DLGAP2: variants seen among roughly 807,000 people sequenced by gnomAD.
DLGAP2 encodes DLG associated protein 2.
A neutral mutation model predicts 100.3 loss-of-function variants in DLGAP2; 26 were observed. The ratio of observed to expected loss-of-function variants is 0.26; its 90% confidence interval spans 0.19 to 0.36. The LOEUF (loss-of-function observed/expected upper bound fraction) is 0.36, where lower values mean the gene tolerates loss of function less well. DLGAP2 is among the 10% of genes least tolerant of loss of function. The pLI, the probability that DLGAP2 is intolerant of heterozygous loss-of-function variation, is 1.00. For synonymous variants in DLGAP2, 886 were observed against 630.1 expected (o/e 1.41, Z -6.08); for missense variants, 1,858 against 1,453.2 (o/e 1.28, Z -4.53).
At chr8:1,321,755 G>C (rs1409450179) in intron 3 of DLGAP2, among the ~76,000 whole-genome samples, 1 of 152,092 alleles carries the variant, frequency 6.6e-6, no homozygotes, top group African/African-American at 2.4e-5. Context: ...GTGATTCTCT[G>C]ACTTTAGAAT....
intron 1 of DLGAP2, among the ~76,000 whole-genome samples, chr8:890,994 T>C (rs1798022922): frequency 1.3e-5 from 2 of 152,104 alleles, no homozygotes; most frequent in Admixed American, 1.3e-4. Flanking sequence ...TCAGTGCTAT[T>C]GGGTTTGCAG....
intron 1 of DLGAP2, among the ~76,000 whole-genome samples, chr8:743,874 TATTTGCATGTG>T (rs1820548603): frequency 6.6e-6 from 1 of 152,260 alleles, no homozygotes; most frequent in African/African-American, 2.4e-5. Flanking sequence ...CTTTTGCTGG[TATTTGCATGTG>T]ATTTCCGTGG....
chr8:1,548,970 C>A lies in DLGAP2; in HGVS notation c.517C>A (p.Arg173Ser), dbSNP rs771551732. 1.9e-6 allele frequency: 3 copies of A among 1,599,042 alleles called. No homozygotes were observed. In the Admixed American group the frequency reaches 5.0e-5, roughly 27 times the overall value. Residue 173 changes from arginine (R) to serine (S), a missense_variant, in exon 5 of 15, where the codon CGC becomes AGC. Arg to Ser is a moderately radical substitution (Grantham distance 110). Transcript: ENST00000637795. ...RMHYSSHYDT[R>S]DDCAVAHAGA... ...GCACTACAGCTCGCACTACGACACG[C>A]GCGACGACTGCGCTGTGGCCCACGC...
chr8:1,269,361 G>A (rs944707613), intron 3 of DLGAP2, among the ~76,000 whole-genome samples: 2 of 152,312 alleles, frequency 1.3e-5, no homozygotes, highest in Admixed American at 6.5e-5. Flanking sequence ...AGACCGCCCC[G>A]TGTGGCACGG....
intron 4 of DLGAP2, among the ~76,000 whole-genome samples, chr8:1,514,409 C>T (rs60634645): frequency 6.6e-6 from 1 of 152,240 alleles, no homozygotes; most frequent in Admixed American, 6.5e-5. Context: ...ACGTTTTAAG[C>T]TCCACTTTTA....
intron 2 of DLGAP2, among the ~76,000 whole-genome samples, chr8:1,241,481 G>T (rs73670688): frequency 6.6e-6 from 1 of 152,138 alleles, no homozygotes. Context: ...CTTCCTTGAC[G>T]TTACTGCAGT....
At chr8:918,994 G>A (rs1328672045) in intron 2 of DLGAP2, among the ~76,000 whole-genome samples, 1 of 152,152 alleles carries the variant, frequency 6.6e-6, no homozygotes, top group African/African-American at 2.4e-5. Flanking sequence ...AGGCTGGAGT[G>A]CAGTGGTGCG....
At chr8:1,446,767 T>C (rs1041972796) in intron 3 of DLGAP2, among the ~76,000 whole-genome samples, 7 of 152,236 alleles carry the variant, frequency 4.6e-5, no homozygotes, top group Non-Finnish European at 5.9e-5. Context: ...TTTTATTTCA[T>C]TGAGCAGTGG....
At chr8:1,637,513 A>C (rs1797797030) in intron 8 of DLGAP2, among the ~76,000 whole-genome samples, 2 of 152,122 alleles carry the variant, frequency 1.3e-5, no homozygotes, top group Admixed American at 1.3e-4. Context: ...AAAGGCAACA[A>C]AAAGCTGCGT....
At chr8:1,294,269 A>T (rs1301500814) in intron 3 of DLGAP2, among the ~76,000 whole-genome samples, 1 of 152,198 alleles carries the variant, frequency 6.6e-6, no homozygotes, top group Non-Finnish European at 1.5e-5. Flanking sequence ...TGATCACATT[A>T]TACTTGGGCT....
At chr8:1,503,069 G>C (rs928321154) in intron 4 of DLGAP2, among the ~76,000 whole-genome samples, 4 of 152,210 alleles carry the variant, frequency 2.6e-5, no homozygotes, top group Non-Finnish European at 1.5e-5. Flanking sequence ...TGAGCATCGA[G>C]GGATGAGGCT....
At chr8:841,701 C>G (rs1055389489) in intron 1 of DLGAP2, among the ~76,000 whole-genome samples, 5 of 152,126 alleles carry the variant, frequency 3.3e-5, no homozygotes, top group African/African-American at 1.2e-4. Flanking sequence ...CCTGCCTCAG[C>G]CTCTGAGTAG....
chr8:831,569 T>C (rs1171823497), intron 1 of DLGAP2, among the ~76,000 whole-genome samples: 1 of 152,214 alleles, frequency 6.6e-6, no homozygotes, highest in Non-Finnish European at 1.5e-5. Flanking sequence ...GGCTGCATAA[T>C]ATTCCATGGT....
intron 2 of DLGAP2, among the ~76,000 whole-genome samples, chr8:1,027,909 C>T (rs1801855790): frequency 6.8e-6 from 1 of 146,496 alleles, no homozygotes; most frequent in Admixed American, 6.8e-5. Flanking sequence ...CCGTTATTCT[C>T]CAGGTGGGGT....
At chr8:1,535,885 C>G (rs1210028712) in intron 4 of DLGAP2, among the ~76,000 whole-genome samples, 1 of 152,164 alleles carries the variant, frequency 6.6e-6, no homozygotes, top group Non-Finnish European at 1.5e-5. Context: ...ATGGACGGTG[C>G]TGTGGATGGA....
In DLGAP2 at chr8:1,552,010, G is replaced by A. The variant is rs1386924792; in HGVS notation, c.1230+2327G>A. Among the ~76,000 whole-genome samples, 3 of 151,722 alleles carry A rather than the reference G, an allele frequency of 2.0e-5. No homozygotes were observed. In the East Asian group the frequency reaches 5.8e-4, roughly 29 times the overall value. ...CTCTTCCTCCCCCTAGATTTTTTTT[G>A]TTTGGAACCAGCTGGTTGGTCTGAT... On this transcript the variant is annotated intron_variant, in intron 5 of 14. Coordinates refer to ENST00000637795, the MANE Select transcript of DLGAP2 (RefSeq NM_001346810.2).
chr8:1,103,491 T>C (rs1265311222), intron 2 of DLGAP2, among the ~76,000 whole-genome samples: 6 of 131,824 alleles, frequency 4.6e-5, no homozygotes, highest in Non-Finnish European at 9.2e-5. Context: ...GGGGCCTTGG[T>C]TGACGGTGAT....
At chr8:1,232,627 C>T (rs998766386) in intron 2 of DLGAP2, among the ~76,000 whole-genome samples, 1 of 152,230 alleles carries the variant, frequency 6.6e-6, no homozygotes, top group South Asian at 2.1e-4. Context: ...GTGGAATCCA[C>T]AAGATGCTTT....
intron 2 of DLGAP2, among the ~76,000 whole-genome samples, chr8:1,189,105 T>C (rs1386850804): frequency 4.8e-5 from 7 of 144,404 alleles, no homozygotes; most frequent in Admixed American, 1.3e-4. Context: ...GGGTTGACCT[T>C]ACACAGGGTT....
Sources: allele counts gnomAD v4.1 joint callset (sites outside exome capture counted in the v4.1 genomes callset), GRCh38; gene constraint gnomAD v4.1.1; transcripts MANE v1.5; gene names NCBI Gene and HGNC (gene_info 2026-07-23, HGNC 2026-07-21).